The following SYNPR variants were observed in gnomAD, a reference collection of about 807,000 sequenced individuals.
The protein encoded by SYNPR is synaptoporin.
A neutral mutation model predicts 32.9 loss-of-function variants in SYNPR; 23 were observed. The ratio of observed to expected loss-of-function variants is 0.70; its 90% confidence interval spans 0.50 to 0.99. The LOEUF is 0.99. Among genes scored for constraint, SYNPR ranks in the 50% least tolerant of loss-of-function variants. SYNPR has a pLI of 0.00. For synonymous variants in SYNPR, 146 were observed against 135.9 expected, an observed-to-expected ratio of 1.07 and a Z score of -0.52; for missense variants, 318 against 349.3, an observed-to-expected ratio of 0.91 and a Z score of 0.71.
At chr3:63,261,607 C>T (rs1378777487) in intron 2 of SYNPR, among the ~76,000 whole-genome samples, 1 of 139,926 alleles carries the variant, frequency 7.1e-6, no homozygotes, top group Non-Finnish European at 1.5e-5. Flanking sequence ...AGGAGATATA[C>T]CTAATGTTAA....
intron 3 of SYNPR, among the ~76,000 whole-genome samples, chr3:63,553,131 A>G (rs1338647390): frequency 6.6e-6 from 1 of 152,062 alleles, no homozygotes; most frequent in African/African-American, 2.4e-5. Flanking sequence ...TGTTGTTCCC[A>G]TGTTTACGTC....
chr3:63,503,012 C>T (rs530230494), intron 3 of SYNPR, among the ~76,000 whole-genome samples: 2 of 152,194 alleles, frequency 1.3e-5, no homozygotes, highest in South Asian at 4.1e-4. Flanking sequence ...TACTGGGTCA[C>T]ATGGTAAGAG....
chr3:63,484,291 C>T (rs1462419817), intron 3 of SYNPR, among the ~76,000 whole-genome samples: 1 of 152,102 alleles, frequency 6.6e-6, no homozygotes, highest in African/African-American at 2.4e-5. Context: ...ACTGTTTTCT[C>T]ATCTGCAATA....
At chr3:63,565,625 G>C (rs1393392578) in intron 4 of SYNPR, among the ~76,000 whole-genome samples, 1 of 152,128 alleles carries the variant, frequency 6.6e-6, no homozygotes, top group Non-Finnish European at 1.5e-5. Context: ...CTTTTCAAGA[G>C]GACAAATTCA....
At chr3:63,398,223 G>A (rs968031550) in intron 2 of SYNPR, among the ~76,000 whole-genome samples, 1 of 152,176 alleles carries the variant, frequency 6.6e-6, no homozygotes, top group African/African-American at 2.4e-5. Flanking sequence ...CAAAGTAACT[G>A]CATAGATAGA....
chr3:63,431,754 A>G (rs965626729), intron 2 of SYNPR, among the ~76,000 whole-genome samples: 1 of 152,156 alleles, frequency 6.6e-6, no homozygotes, highest in South Asian at 2.1e-4. Context: ...AAAGAAAAAA[A>G]AAATCACTGA....
At position 63,291,962 on chromosome 3, in the gene SYNPR, C is replaced by G. The variant is rs572145714; in HGVS notation, c.84+13220C>G. Among the ~76,000 whole-genome samples, 21 of 152,068 alleles carry G rather than the reference C, an allele frequency of 1.4e-4. 1 individual carries two copies. The South Asian group carries it at 3.9e-3, about 29-fold the overall frequency. ...CACCATAGAGTGTACTTACACAAAC[C>G]TAAATGGGATAGCCTACTACACACC... is the stretch of plus-strand genomic sequence containing the variant. On this transcript the variant is annotated intron_variant, in intron 2 of 5. Transcript: ENST00000478300.
At chr3:63,296,123 T>C (rs1008292295) in intron 2 of SYNPR, among the ~76,000 whole-genome samples, 1 of 152,172 alleles carries the variant, frequency 6.6e-6, no homozygotes, top group African/African-American at 2.4e-5. Flanking sequence ...AGGTGTGGCA[T>C]ACAGCATAGG....
chr3:63,301,945 TTGTC>T (rs1192267385), intron 2 of SYNPR, among the ~76,000 whole-genome samples: 4 of 152,092 alleles, frequency 2.6e-5, no homozygotes, highest in Non-Finnish European at 5.9e-5. Context: ...AATGAGGACT[TTGTC>T]TGTTAACTTC....
At chr3:63,473,981 A>G (rs912918499) in intron 2 of SYNPR, among the ~76,000 whole-genome samples, 3 of 152,130 alleles carry the variant, frequency 2.0e-5, no homozygotes, top group Non-Finnish European at 4.4e-5. Context: ...AGATTCTGAG[A>G]CGAGAATTTT....
intron 4 of SYNPR, among the ~76,000 whole-genome samples, chr3:63,603,707 G>A (rs1167571932): frequency 2.0e-5 from 3 of 152,170 alleles, no homozygotes; most frequent in African/African-American, 7.2e-5. Context: ...CTTGATCATG[G>A]TGAATTAGCT....
In SYNPR at chr3:63,338,808, G is replaced by C. The variant is rs1008293820; in HGVS notation, c.84+60066G>C. Among the ~76,000 whole-genome samples, 3 of 152,290 alleles carry C rather than the reference G, an allele frequency of 2.0e-5. No homozygotes were observed. In the East Asian group the frequency reaches 5.8e-4, roughly 29 times the overall value. ...GCTGTTCACAGGTTTCTCCGAAGCA[G>C]GGACATGTTCAGAATCCAGCAATCC... is the stretch of plus-strand genomic sequence containing the variant. On this transcript the variant is annotated intron_variant, in intron 2 of 5. Coordinates refer to ENST00000478300, the MANE Select transcript of SYNPR (RefSeq NM_001130003.2).
At chr3:63,242,402 C>T (rs1174018999) in intron 1 of SYNPR, among the ~76,000 whole-genome samples, 1 of 152,044 alleles carries the variant, frequency 6.6e-6, no homozygotes, top group South Asian at 2.1e-4. Context: ...GAAAACTCTG[C>T]CCCGACCAGC....
intron 4 of SYNPR, among the ~76,000 whole-genome samples, chr3:63,587,003 A>G (rs1227743126): frequency 6.6e-6 from 1 of 152,060 alleles, no homozygotes; most frequent in Non-Finnish European, 1.5e-5. Flanking sequence ...ATTGCCAAAT[A>G]GGTTTGAAGC....
At chr3:63,353,704 T>A (rs1181448851) in intron 2 of SYNPR, among the ~76,000 whole-genome samples, 1 of 152,184 alleles carries the variant, frequency 6.6e-6, no homozygotes, top group Non-Finnish European at 1.5e-5. Flanking sequence ...TTTTACATCG[T>A]TTTCAGCTGT....
In SYNPR at chr3:63,369,190, T is replaced by C. The variant is rs981092604; in HGVS notation, c.84+90448T>C. Among the ~76,000 whole-genome samples, 6 of 152,294 alleles carry C rather than the reference T, an allele frequency of 3.9e-5. 1 individual carries two copies. The highest frequency in any genetic ancestry group is 1.4e-4 in the African/African-American group (6 of 41,558). Reference sequence around the variant, plus strand: ...AACATGCATGCACAAAAGGCGGCCATGTGAAGAGGCAACAAGAGGGTGGCT... The same window carrying C: ...AACATGCATGCACAAAAGGCGGCCACGTGAAGAGGCAACAAGAGGGTGGCT... On this transcript the variant is annotated intron_variant, in intron 2 of 5. Transcript: ENST00000478300.
At chr3:63,537,254 C>T (rs926009131) in intron 3 of SYNPR, among the ~76,000 whole-genome samples, 1 of 152,064 alleles carries the variant, frequency 6.6e-6, no homozygotes, top group Non-Finnish European at 1.5e-5. Context: ...TAACTATGTA[C>T]ACACTCTACC....
intron 2 of SYNPR, among the ~76,000 whole-genome samples, chr3:63,400,891 G>A (rs2088281533): frequency 6.6e-6 from 1 of 152,200 alleles, no homozygotes; most frequent in Non-Finnish European, 1.5e-5. Flanking sequence ...TAGGGCCAGT[G>A]TGTGAAGAGG....
intron 4 of SYNPR, among the ~76,000 whole-genome samples, chr3:63,581,124 G>T (rs1371422288): frequency 6.6e-6 from 1 of 152,130 alleles, no homozygotes; most frequent in East Asian, 1.9e-4. Context: ...AAATGGTAAA[G>T]AAAGGATCCC....
Sources: allele counts gnomAD v4.1 joint callset (sites outside exome capture counted in the v4.1 genomes callset), GRCh38; gene constraint gnomAD v4.1.1; transcripts MANE v1.5; gene names NCBI Gene and HGNC (gene_info 2026-07-23, HGNC 2026-07-21).